HTR2C: variants seen among roughly 807,000 people sequenced by gnomAD.
The protein encoded by HTR2C is 5-hydroxytryptamine receptor 2C, also known as 5-hydroxytryptamine (serotonin) receptor 2C, G protein-coupled.
A neutral mutation model predicts 21.0 loss-of-function variants in HTR2C; 5 were observed. The ratio of observed to expected loss-of-function variants is 0.24; its 90% CI spans 0.12 to 0.50. HTR2C has a LOEUF of 0.50. Ranked by LOEUF, HTR2C falls within the 20% of genes least tolerant of loss-of-function variation. HTR2C has a pLI of 0.98. For synonymous variants in HTR2C, 150 were observed against 145.3 expected (o/e 1.03, Z -0.23); for missense variants, 271 against 371.2 (o/e 0.73, Z 2.22).
chrX:114,730,962 A>G (rs2069529380), intron 3 of HTR2C, among the ~76,000 whole-genome samples: 1 of 111,428 alleles, frequency 9.0e-6, no homozygotes, highest in Admixed American at 9.6e-5. Flanking sequence ...CCCTTTCTGA[A>G]CTTTACTCAG....
intron 4 of HTR2C, among the ~76,000 whole-genome samples, chrX:114,782,869 T>C (rs1167982586): frequency 3.6e-5 from 4 of 111,903 alleles, no homozygotes; most frequent in African/African-American, 1.3e-4. Context: ...CTTCAGACTT[T>C]ATGAAACACA....
chrX:114,586,674 T>C (rs1927411226), intron 1 of HTR2C, among the ~76,000 whole-genome samples: 1 of 111,479 alleles, frequency 9.0e-6, no homozygotes. Context: ...ATGACAGTGA[T>C]GACTTTTTCA....
intron 2 of HTR2C, among the ~76,000 whole-genome samples, chrX:114,661,834 C>A (rs1292776391): frequency 1.8e-5 from 2 of 111,768 alleles, no homozygotes; most frequent in Non-Finnish European, 3.8e-5. Flanking sequence ...TGAAAACACA[C>A]ATAACAAGCA....
chrX:114,673,846 T>C (rs1307210706), intron 2 of HTR2C, among the ~76,000 whole-genome samples: 1 of 111,991 alleles, frequency 8.9e-6, no homozygotes, highest in Admixed American at 9.5e-5. Flanking sequence ...CTTTTTTTGC[T>C]ATAGACTGAA....
intron 4 of HTR2C, among the ~76,000 whole-genome samples, chrX:114,781,922 A>G (rs2070122988): frequency 9.0e-6 from 1 of 110,543 alleles, no homozygotes; most frequent in Non-Finnish European, 1.9e-5. Context: ...GAAACAATAT[A>G]GTTAGAATTT....
chrX:114,665,060 C>T (rs1931126252), intron 2 of HTR2C, among the ~76,000 whole-genome samples: 1 of 112,223 alleles, frequency 8.9e-6, no homozygotes, highest in African/African-American at 3.2e-5. Context: ...AACAAGCACT[C>T]CCACTGTGCA....
chrX:114,890,402 C>T (rs944563995), intron 5 of HTR2C, among the ~76,000 whole-genome samples: 1 of 111,663 alleles, frequency 9.0e-6, no homozygotes. Context: ...AGAGTTTTAC[C>T]TTGTATTATA....
At chrX:114,887,750 G>A (rs782367798) in intron 5 of HTR2C, among the ~76,000 whole-genome samples, 74 of 110,680 alleles carry the variant, frequency 6.7e-4, no homozygotes, top group Non-Finnish European at 1.7e-4. Context: ...GGCCGGGCGC[G>A]GTGCCTCATG....
In HTR2C at chrX:114,584,147, A is replaced by T. The variant is rs202116924; in HGVS notation, c.-659A>T. ...TTCCTCAGATGCACCGATCTTCCCG[A>T]TACTGCCTTTGGAGCGGCTAGATTG... On this transcript the variant is annotated 5_prime_UTR_variant, in exon 1 of 6. Transcript: ENST00000276198. 8.9e-6 allele frequency: 1 copy of T among 112,207 alleles called. No individual in the cohort carries two copies. Among genetic ancestry groups the T allele is most frequent in the African/African-American group, 3.2e-5 (1 of 30,773 alleles). The allele number at this position is 112,207 out of a possible 1,213,427, so 9.2% of individuals were successfully genotyped here.
At chrX:114,616,732 G>A (rs1057490758) in intron 2 of HTR2C, among the ~76,000 whole-genome samples, 1 of 111,989 alleles carries the variant, frequency 8.9e-6, no homozygotes, top group East Asian at 2.8e-4. Context: ...CACAGTCAAA[G>A]TAACAATTTA....
At chrX:114,879,815 A>C (rs182798904) in intron 5 of HTR2C, among the ~76,000 whole-genome samples, 3 of 110,968 alleles carry the variant, frequency 2.7e-5, no homozygotes, top group Admixed American at 1.9e-4. Flanking sequence ...TATATACACC[A>C]CAATTTCTTT....
chrX:114,887,744 G>A (rs140114302), intron 5 of HTR2C, among the ~76,000 whole-genome samples: 4 of 110,507 alleles, frequency 3.6e-5, no homozygotes, highest in Non-Finnish European at 7.6e-5. Flanking sequence ...GCTGTTGGCC[G>A]GGCGCGGTGC....
intron 1 of HTR2C, among the ~76,000 whole-genome samples, chrX:114,612,618 A>G (rs926636715): frequency 8.9e-6 from 1 of 112,346 alleles, no homozygotes; most frequent in Non-Finnish European, 1.9e-5. Context: ...TGGATGAAAT[A>G]CTATTTACTC....
chrX:114,834,946 A>G (rs1556463042), intron 4 of HTR2C, among the ~76,000 whole-genome samples: 2 of 104,965 alleles, frequency 1.9e-5, no homozygotes, highest in Non-Finnish European at 3.9e-5. Context: ...AAAGTATTTT[A>G]TTTCTCCTTC....
chrX:114,611,239 A>G (rs1461017707), intron 1 of HTR2C, among the ~76,000 whole-genome samples: 1 of 112,193 alleles, frequency 8.9e-6, no homozygotes, highest in Non-Finnish European at 1.9e-5. Flanking sequence ...TGTTCTTAGC[A>G]GTTCTTGGTC....
intron 1 of HTR2C, chrX:114,589,910 G>A: frequency 3.4e-6 from 1 of 295,464 alleles, no homozygotes; most frequent in Non-Finnish European, 6.2e-6. Flanking sequence ...GATAAGAAGA[G>A]AAAGGTCCAA....
At chrX:114,658,003 C>T (rs782254205) in intron 2 of HTR2C, among the ~76,000 whole-genome samples, 1 of 111,041 alleles carries the variant, frequency 9.0e-6, no homozygotes, top group African/African-American at 3.3e-5. Context: ...TTCTTTGTTA[C>T]AATATAATAG....
chrX:114,896,536 G>C (rs1279779443), intron 5 of HTR2C, among the ~76,000 whole-genome samples: 1 of 111,972 alleles, frequency 8.9e-6, no homozygotes, highest in Non-Finnish European at 1.9e-5. Context: ...GTCACTGGGG[G>C]AAACACATTT....
intron 2 of HTR2C, among the ~76,000 whole-genome samples, chrX:114,699,453 A>G (rs924344003): frequency 5.4e-5 from 6 of 111,925 alleles, no homozygotes; most frequent in African/African-American, 9.7e-5. Flanking sequence ...TAAGGCCTTT[A>G]TGCTTCATAC....
Sources: gnomAD v4.1 joint callset for allele counts (sites outside exome capture counted in the v4.1 genomes callset) on GRCh38, gnomAD v4.1.1 for gene constraint, MANE v1.5 for transcripts, NCBI Gene and HGNC (gene_info 2026-07-23, HGNC 2026-07-21) for gene names.